The following CTNNA2 variants were observed in gnomAD, a reference collection of about 807,000 sequenced individuals.
The protein encoded by CTNNA2 is catenin alpha 2, also known as catenin alpha-2.
A neutral mutation model predicts 101.0 loss-of-function variants in CTNNA2; 42 were observed. That is an observed-to-expected ratio of 0.42 (90% CI 0.32 to 0.54). CTNNA2 has a LOEUF of 0.54. Among genes scored for constraint, CTNNA2 ranks in the 20% least tolerant of loss-of-function variants. The pLI is 0.14. For synonymous variants in CTNNA2, 450 were observed against 456.4 expected (o/e 0.99, Z 0.18); for missense variants, 871 against 1,223.1 (o/e 0.71, Z 4.29).
chr2:80,608,803 A>G (rs1328620529), intron 17 of CTNNA2, among the ~76,000 whole-genome samples: 1 of 151,852 alleles, frequency 6.6e-6, no homozygotes, highest in Admixed American at 6.6e-5. Context: ...AAGCCAGAAG[A>G]TGTTTGAATT....
At chr2:79,293,696 G>A (rs886123286) in intron 2 of CTNNA2, among the ~76,000 whole-genome samples, 1 of 152,102 alleles carries the variant, frequency 6.6e-6, no homozygotes, top group African/African-American at 2.4e-5. Context: ...TATTTTTCAA[G>A]GACATGTGTT....
intron 9 of CTNNA2, among the ~76,000 whole-genome samples, chr2:80,499,985 A>G (rs1216731243): frequency 2.0e-5 from 3 of 152,130 alleles, no homozygotes; most frequent in Admixed American, 6.5e-5. Context: ...TAGATTGTTA[A>G]AAGCACACAA....
chr2:79,329,834 G>A (rs1676830583), intron 3 of CTNNA2, among the ~76,000 whole-genome samples: 1 of 152,094 alleles, frequency 6.6e-6, no homozygotes, highest in African/African-American at 2.4e-5. Flanking sequence ...CCACAATCTG[G>A]CTACTTGCTT....
chr2:79,989,205 A>G (rs559618112), intron 7 of CTNNA2, among the ~76,000 whole-genome samples: 2 of 152,322 alleles, frequency 1.3e-5, no homozygotes, highest in Non-Finnish European at 2.9e-5. Flanking sequence ...ATAACCCAAA[A>G]TACAAACATT....
At chr2:79,460,560 G>A (rs751769808) in intron 4 of CTNNA2, among the ~76,000 whole-genome samples, 1 of 152,008 alleles carries the variant, frequency 6.6e-6, no homozygotes, top group Non-Finnish European at 1.5e-5. Flanking sequence ...TTTCTCACCC[G>A]AATTATTACT....
chr2:80,278,809 A>C (rs1411350532), intron 7 of CTNNA2, among the ~76,000 whole-genome samples: 1 of 151,974 alleles, frequency 6.6e-6, no homozygotes, highest in African/African-American at 2.4e-5. Context: ...TCTACTAAAA[A>C]TTAAAAAAAT....
chr2:79,742,478 G>A (rs1671355828), intron 2 of CTNNA2, among the ~76,000 whole-genome samples: 1 of 152,196 alleles, frequency 6.6e-6, no homozygotes, highest in Non-Finnish European at 1.5e-5. Flanking sequence ...GGTAGAGATG[G>A]TTGCTGTGTT....
chr2:80,438,809 C>T (rs1453307782), intron 9 of CTNNA2, among the ~76,000 whole-genome samples: 1 of 152,038 alleles, frequency 6.6e-6, no homozygotes, highest in Non-Finnish European at 1.5e-5. Flanking sequence ...ATTTATTCAC[C>T]AAAGTCTATA....
intron 7 of CTNNA2, among the ~76,000 whole-genome samples, chr2:80,160,481 G>A (rs1704246394): frequency 6.6e-6 from 1 of 152,042 alleles, no homozygotes; most frequent in Non-Finnish European, 1.5e-5. Context: ...TCATTGCATA[G>A]TTTTCAGCCA....
At chr2:79,610,789 C>T (rs1314858644) in intron 1 of CTNNA2, among the ~76,000 whole-genome samples, 4 of 152,022 alleles carry the variant, frequency 2.6e-5, no homozygotes, top group Non-Finnish European at 2.9e-5. Flanking sequence ...ATCTTGTTTG[C>T]GGTTTTTTCT....
intron 8 of CTNNA2, among the ~76,000 whole-genome samples, chr2:80,397,349 C>T (rs1678107903): frequency 2.0e-5 from 3 of 152,176 alleles, no homozygotes; most frequent in African/African-American, 7.2e-5. Flanking sequence ...AGATTGTCAC[C>T]ATGCTCATTT....
At chr2:80,247,451 A>C (rs1573503907) in intron 7 of CTNNA2, among the ~76,000 whole-genome samples, 1 of 152,108 alleles carries the variant, frequency 6.6e-6, no homozygotes, top group East Asian at 1.9e-4. Context: ...TCCTGTGTGA[A>C]CCTCCCCAAC....
chr2:80,032,878 C>T (rs915627157), intron 7 of CTNNA2, among the ~76,000 whole-genome samples: 7 of 152,058 alleles, frequency 4.6e-5, no homozygotes, highest in South Asian at 2.1e-4. Flanking sequence ...AACGACCGGG[C>T]GCAGTGGCTC....
At chr2:80,166,427 G>C (rs187089478) in intron 7 of CTNNA2, among the ~76,000 whole-genome samples, 1 of 152,232 alleles carries the variant, frequency 6.6e-6, no homozygotes, top group African/African-American at 2.4e-5. Flanking sequence ...TAAGGGATGG[G>C]GTCAGAGAGC....
intron 4 of CTNNA2, among the ~76,000 whole-genome samples, chr2:79,491,464 C>T (rs1379064881): frequency 1.3e-5 from 2 of 152,082 alleles, no homozygotes; most frequent in South Asian, 2.1e-4. Context: ...ATTCAAGAAA[C>T]AGAAATGGAA....
chr2:79,619,558 C>T (rs1415979505), intron 1 of CTNNA2, among the ~76,000 whole-genome samples: 1 of 152,168 alleles, frequency 6.6e-6, no homozygotes, highest in Non-Finnish European at 1.5e-5. Flanking sequence ...TGTTTTGACA[C>T]AAGCTTTGAG....
At chr2:80,568,979 C>T (rs1694314609) in intron 12 of CTNNA2, among the ~76,000 whole-genome samples, 1 of 152,176 alleles carries the variant, frequency 6.6e-6, no homozygotes, top group South Asian at 2.1e-4. Flanking sequence ...CATTGGAATA[C>T]TTAAAGCAGG....
intron 1 of CTNNA2, among the ~76,000 whole-genome samples, chr2:79,551,851 A>C (rs947538976): frequency 1.3e-5 from 2 of 152,134 alleles, no homozygotes; most frequent in Non-Finnish European, 2.9e-5. Flanking sequence ...CACTATCATG[A>C]GAACAGCAAG....
chr2:79,265,362 G>A (rs1004096804), intron 2 of CTNNA2, among the ~76,000 whole-genome samples: 1 of 152,160 alleles, frequency 6.6e-6, no homozygotes, highest in Admixed American at 6.6e-5. Flanking sequence ...GCTCCATATG[G>A]TGCCAAGACA....
Sources: allele counts gnomAD v4.1 joint callset (sites outside exome capture counted in the v4.1 genomes callset), GRCh38; gene constraint gnomAD v4.1.1; transcripts MANE v1.5; gene names NCBI Gene and HGNC (gene_info 2026-07-23, HGNC 2026-07-21).